RAB37: variants seen among roughly 807,000 people sequenced by gnomAD.
The protein encoded by RAB37 is ras-related protein Rab-37.
In RAB37, 29 loss-of-function variants were observed where a neutral mutation model predicts 33.1. That is an observed-to-expected ratio of 0.88 (90% CI 0.65 to 1.20). The LOEUF is 1.20. RAB37 is among the 50% of genes most tolerant of loss of function. RAB37 has a pLI of 0.00. For missense variants in RAB37, 299 were observed against 301.1 expected (o/e 0.99, Z 0.05); for synonymous variants, 128 against 119.5 (o/e 1.07, Z -0.47).
intron 1 of RAB37, among the ~76,000 whole-genome samples, chr17:74,706,341 G>A (rs1422192594): frequency 6.8e-6 from 1 of 147,220 alleles, no homozygotes; most frequent in Non-Finnish European, 1.5e-5. Context: ...ACTGTGCCTG[G>A]CCTTTTTTTT....
intron 1 of RAB37, chr17:74,703,045 A>C: frequency 6.2e-7 from 1 of 1,613,686 alleles, no homozygotes; most frequent in Non-Finnish European, 8.5e-7. Flanking sequence ...CTGTTGTCCA[A>C]GTGGTGGCCG....
intron 1 of RAB37, among the ~76,000 whole-genome samples, chr17:74,673,168 G>C (rs1196848244): frequency 6.6e-6 from 1 of 152,078 alleles, no homozygotes; most frequent in African/African-American, 2.4e-5. Flanking sequence ...ACTTTGGGAG[G>C]CCGAGGCGGT....
At chr17:74,705,237 C>G in intron 1 of RAB37, 1 of 702,260 alleles carries the variant, frequency 1.4e-6, no homozygotes, top group South Asian at 1.5e-5. Flanking sequence ...CTCATGAGGT[C>G]GAGCTGAGGC....
At chr17:74,695,280 G>C in intron 1 of RAB37, 1 of 1,612,320 alleles carries the variant, frequency 6.2e-7, no homozygotes, top group South Asian at 1.1e-5. Flanking sequence ...CCAGGTCAGA[G>C]AGGACGGCAG....
chr17:74,682,019 T>G (rs950314672), intron 1 of RAB37, among the ~76,000 whole-genome samples: 1 of 152,228 alleles, frequency 6.6e-6, no homozygotes, highest in African/African-American at 2.4e-5. Flanking sequence ...GTCTCTGCTG[T>G]TAGCCAGCTG....
At position 74,744,376 on chromosome 17, in the gene RAB37, G is replaced by A. The variant is rs747981814; in HGVS notation, c.432+3G>A. 32 of 1,614,044 alleles carry A rather than the reference G, an allele frequency of 2.0e-5. No homozygotes were observed. The highest frequency in any genetic ancestry group is 2.5e-5 in the Non-Finnish European group (30 of 1,179,948). ...TGATCATGCTGCTAGGCAACAAGGT[G>A]AGTGGCTCCGGGGCAGGGTCAGCCC... On this transcript the variant is annotated splice_donor_region_variant and intron_variant, in intron 6 of 8. Transcript: ENST00000392613. This position sits in a 1 kb window ranked among gnomAD's most constrained non-coding sequence, Gnocchi z 4.2.
upstream of RAB37, chr17:74,736,981 C>A (rs771678948): frequency 1.9e-6 from 3 of 1,572,246 alleles, no homozygotes; most frequent in Non-Finnish European, 1.7e-6. Context: ...GGCAAGCAAG[C>A]GACCACAGGG....
At chr17:74,743,402 GGGGTTGCTTCCTGCCCTGTGGAAAGC>G in intron 5 of RAB37, 62 bp downstream of exon 5, 1 of 1,566,390 alleles carries the variant, frequency 6.4e-7, no homozygotes, top group Non-Finnish European at 8.8e-7. Context: ...TATGCAGGCT[GGGGTTGCTTCCTGCCCTGTGGAAAGC>G]GGGTGGAGCG....
In RAB37 at chr17:74,671,709, CAGG is replaced by C. The variant is rs768726907; in HGVS notation, c.72+54_72+56del. On this transcript the variant is annotated intron_variant, in intron 1 of 7. Transcript: ENST00000340415. This position sits in a 1 kb window ranked among gnomAD's most constrained non-coding sequence, Gnocchi z 5.0. ...CTAACGTTGGAAGAGGCGCCAGCAC[CAGG>C]AGTTTTCTCCACTCCCCTGACTTTG... 4.5e-6 allele frequency: 7 copies of C among 1,541,868 alleles called. No homozygotes were observed. Among genetic ancestry groups the C allele is most frequent in the Non-Finnish European group, 5.4e-6 (6 of 1,115,076 alleles).
chr17:74,683,341 C>G (rs2031991071), intron 1 of RAB37, among the ~76,000 whole-genome samples: 1 of 152,144 alleles, frequency 6.6e-6, no homozygotes, highest in Non-Finnish European at 1.5e-5. Flanking sequence ...GCTGACGGAG[C>G]TCAGACAGGA....
chr17:74,706,583 G>A (rs57312213), intron 1 of RAB37, among the ~76,000 whole-genome samples: 276 of 152,194 alleles, frequency 1.8e-3, no homozygotes, highest in African/African-American at 6.0e-3. Flanking sequence ...CAAGAGAATC[G>A]CTTGAACCCG....
Position 74,671,532 on chromosome 17 carries a change from G to C in RAB37, c.-55G>C. ...CCAGCGGAGCTCGAACCGAGCTCCT[G>C]GAAGCGCTGACGCAGAGCGCAGGGA... is the stretch of plus-strand genomic sequence containing the variant. On this transcript the variant is annotated 5_prime_UTR_variant, in exon 1 of 8. Transcript: ENST00000340415. The surrounding 1 kb of genome is among the most constrained non-coding windows in gnomAD (Gnocchi z 5.0). 1.9e-6 allele frequency: 3 copies of C among 1,575,564 alleles called. No individual in the cohort carries two copies. Among genetic ancestry groups the C allele is most frequent in the Non-Finnish European group, 2.6e-6 (3 of 1,146,790 alleles).
Position 74,744,875 on chromosome 17 carries a change from G to A in RAB37, c.435G>A (p.Ala145=), listed in dbSNP as rs922420864. 16 of 1,614,156 alleles carry A rather than the reference G, an allele frequency of 9.9e-6. No individual in the cohort carries two copies. Among genetic ancestry groups the A allele is most frequent in the Non-Finnish European group, 1.3e-5 (15 of 1,180,054 alleles). Residue 145 remains alanine, a splice_region_variant and synonymous_variant, in exon 7 of 9, where the codon GCG becomes GCA. Coordinates refer to ENST00000392613, the MANE Select transcript of RAB37 (RefSeq NM_001006638.3). The surrounding 1 kb of genome is among the most constrained non-coding windows in gnomAD (Gnocchi z 4.2). ...DVVIMLLGNK[A]DMSSERVIRS... ...AGTGACCCATTTGGGCTTGACAGGC[G>A]GATATGAGCAGCGAAAGAGTGATCC...
At position 74,731,160 on chromosome 17, in the gene RAB37, C is replaced by T. The variant is rs537606244; in HGVS notation, c.183+1794C>T. ...CATCGGGGTCTCCTCCAGATATCAGCGGTCTGGGGGTCCCCGGAGAGCCAG... is the reference window on the plus strand; with the variant it reads ...CATCGGGGTCTCCTCCAGATATCAGTGGTCTGGGGGTCCCCGGAGAGCCAG... On this transcript the variant is annotated intron_variant, in intron 2 of 7. Transcript: ENST00000340415. 6.6e-4 allele frequency among the ~76,000 whole-genome samples: 101 copies of T among 152,342 alleles called. 1 individual carries two copies. Among genetic ancestry groups the T allele is most frequent in the African/African-American group, 2.3e-3 (94 of 41,582 alleles).
chr17:74,685,633 C>T (rs1265076529), intron 1 of RAB37, among the ~76,000 whole-genome samples: 2 of 152,148 alleles, frequency 1.3e-5, no homozygotes, highest in Non-Finnish European at 2.9e-5. Flanking sequence ...AACCCCAATC[C>T]AAGCTTCAAC....
Position 74,695,261 on chromosome 17 carries a change from AGGC to A in RAB37, c.72+23606_72+23608del, listed in dbSNP as rs1012214269. ...CCTTCGGCAAGGAAGCCTGCAGCAA[AGGC>A]GGGCTCCAGGTCAGAGAGGACGGCA... On this transcript the variant is annotated intron_variant, in intron 1 of 7. Transcript: ENST00000340415. The A allele has an allele frequency of 1.9e-6, 3 of 1,613,666 alleles. No homozygotes were observed. The African/African-American group carries it at 4.0e-5, about 22-fold the overall frequency.
chr17:74,740,449 A>G (rs552288846), intron 1 of RAB37, among the ~76,000 whole-genome samples: 30 of 152,286 alleles, frequency 2.0e-4, no homozygotes, highest in African/African-American at 7.0e-4. Context: ...GCCACTGTCT[A>G]GATTGTGCAA....
intron 1 of RAB37, chr17:74,698,333 C>A: frequency 6.9e-7 from 1 of 1,455,406 alleles, no homozygotes; most frequent in Non-Finnish European, 9.6e-7. Flanking sequence ...AGCCACCCGG[C>A]CCAGTCTCAG....
chr17:74,693,854 G>A (rs1255003170), intron 1 of RAB37, among the ~76,000 whole-genome samples: 2 of 150,330 alleles, frequency 1.3e-5, no homozygotes, highest in South Asian at 2.1e-4. Context: ...GCTTGAACCC[G>A]GGAATCAGAG....
Sources: allele counts gnomAD v4.1 joint callset (sites outside exome capture counted in the v4.1 genomes callset), GRCh38; gene constraint gnomAD v4.1.1; non-coding constraint Gnocchi (gnomAD v3.1); transcripts MANE v1.5; gene names NCBI Gene and HGNC (gene_info 2026-07-23, HGNC 2026-07-21).